Variants in ZG16B observed in about 807,000 individuals in gnomAD.
ZG16B encodes the protein zymogen granule protein 16B.
Under a neutral mutation model 7.0 loss-of-function variants are expected in ZG16B, and 8 were observed. The observed-to-expected ratio is 1.15, with a 90% CI of 0.68 to 2.08. ZG16B has a LOEUF of 2.08. Among genes scored for constraint, ZG16B ranks in the 30% most tolerant of loss-of-function variants. The probability of loss-of-function intolerance (pLI) is 0.00; values close to 1 mark genes in which losing one functional copy is unlikely to be tolerated. For missense variants in ZG16B, 232 were observed against 211.0 expected (o/e 1.10, Z -0.62); for synonymous variants, 92 against 86.1 (o/e 1.07, Z -0.38).
rs781318261 is a variant in ZG16B at position 2,830,826 on chromosome 16, G to A, written c.155+30G>A. On this transcript the variant is annotated intron_variant, in intron 3 of 3. Transcript: ENST00000382280. ...GTAGGGCTATGGTCATGGGCCCAGC[G>A]CCATGTCCCCTCCCATCCCACAGTT... 35 of 1,606,636 alleles carry A rather than the reference G, an allele frequency of 2.2e-5. 1 individual carries two copies. The East Asian group carries it at 3.6e-4, about 16-fold the overall frequency.
At chr16:2,831,000 G>A (rs535674980) in intron 3 of ZG16B, 1 of 556,880 alleles carries the variant, frequency 1.8e-6, no homozygotes, top group Admixed American at 3.1e-5. Context: ...TTCAACCCAA[G>A]CTCAACTCAA....
At chr16:2,830,887 C>A in intron 3 of ZG16B, 91 bp downstream of exon 3, 2 of 1,302,474 alleles carry the variant, frequency 1.5e-6, no homozygotes, top group Non-Finnish European at 2.2e-6. Flanking sequence ...CACCCGTGGC[C>A]ACTTTTGCCA....
Position 2,830,537 on chromosome 16 carries a change from A to G in ZG16B, c.52+44A>G, listed in dbSNP as rs768722923. ...CCCTCAATCTCCCCTGCCTCCCTCC[A>G]GGAGAGCCAGGGACTCACCCGGCCC... On this transcript the variant is annotated intron_variant, in intron 2 of 3. Transcript: ENST00000382280. The G allele has an allele frequency of 4.4e-6, 7 of 1,588,090 alleles. No homozygotes were observed. The South Asian group carries it at 5.7e-5, about 13-fold the overall frequency.
rs764823987 is a variant in ZG16B at position 2,831,759 on chromosome 16, C to T, written c.156-37C>T. 3.8e-6 allele frequency: 6 copies of T among 1,584,092 alleles called. No homozygotes were observed. The South Asian group carries it at 7.0e-5, about 18-fold the overall frequency. On this transcript the variant is annotated intron_variant, in intron 3 of 3. Coordinates refer to ENST00000382280, the MANE Select transcript of ZG16B (RefSeq NM_145252.3). Reference sequence around the variant, plus strand: ...AGGACCCGGGATGTGCTGGGCCATCCCAGATCTGGACGTCCAAAGCTTTGC... The same window carrying T: ...AGGACCCGGGATGTGCTGGGCCATCTCAGATCTGGACGTCCAAAGCTTTGC...
intron 3 of ZG16B, 131 bp from the exon 4 acceptor site, chr16:2,831,665 C>T: frequency 7.4e-7 from 1 of 1,353,480 alleles, no homozygotes; most frequent in Non-Finnish European, 1.0e-6. Flanking sequence ...ACCAGTGAGT[C>T]TGTGTCAGGG....
chr16:2,830,924 C>T (rs1384169070), intron 3 of ZG16B, 128 bp downstream of exon 3: 9 of 891,964 alleles, frequency 1.0e-5, no homozygotes, highest in South Asian at 1.5e-5. Flanking sequence ...GTCGATGCTT[C>T]CTGGCTCCCG....
chr16:2,831,644 C>T lies in ZG16B; in HGVS notation c.156-152C>T, dbSNP rs184936280. The stretch of plus-strand genomic sequence containing the variant: ...TCACAGGGCCCAAAAGTGGTAGAAT[C>T]AGGGTTGGTGACCAGTGAGTCTGTG... On this transcript the variant is annotated intron_variant, in intron 3 of 3. Transcript: ENST00000382280. 28 of 1,173,964 alleles carry T rather than the reference C, an allele frequency of 2.4e-5. No individual in the cohort carries two copies. The African/African-American group carries it at 4.2e-4, about 17-fold the overall frequency. 72.7% of individuals were successfully genotyped at this position (1,173,964 alleles called of 1,614,324 possible).
chr16:2,831,728 G>A, intron 3 of ZG16B, 68 bp from the exon 4 acceptor site: 1 of 1,543,736 alleles, frequency 6.5e-7, no homozygotes, highest in Non-Finnish European at 8.7e-7. Context: ...GAGGATGGGG[G>A]CGCTGAGGAC....
Position 2,830,417 on chromosome 16 carries a change from C to G in ZG16B, c.-25C>G, listed in dbSNP as rs1567280406. 1 of 1,603,808 alleles carries G rather than the reference C, an allele frequency of 6.2e-7. No homozygotes were observed. The highest frequency in any genetic ancestry group is 1.1e-5 in the South Asian group (1 of 89,642). On this transcript the variant is annotated splice_region_variant and 5_prime_UTR_variant, in exon 2 of 4. Transcript: ENST00000382280. ...GGAGGCCTCTCTTCTTCCCACAGAG[C>G]CCTGGGATGCACCGGCCAGAGGCCA... is the stretch of plus-strand genomic sequence containing the variant.
chr16:2,830,730 C>T lies in ZG16B; in HGVS notation c.89C>T (p.Thr30Ile). 4 of 1,614,230 alleles carry T rather than the reference C, an allele frequency of 2.5e-6. No individual in the cohort carries two copies. The South Asian group carries it at 3.3e-5, about 13-fold the overall frequency. The change falls in exon 3 of 4, where the codon ACC (threonine) becomes ATC (isoleucine). Residue 30 changes from threonine (T) to isoleucine (I), a missense_variant. Thr to Ile is a moderately conservative substitution (Grantham distance 89). Coordinates refer to ENST00000382280, the MANE Select transcript of ZG16B (RefSeq NM_145252.3). ...CCTGGAGGAGGCAAGTATTTCAGCA[C>T]CACTGAAGACTACGACCATGAAATC... The part of the protein sequence containing the change: ...YGPGGGKYFS[T>I]TEDYDHEITG...
intron 2 of ZG16B, 63 bp downstream of exon 2, chr16:2,830,556 C>G: frequency 6.3e-7 from 1 of 1,582,654 alleles, no homozygotes; most frequent in Non-Finnish European, 8.6e-7. Flanking sequence ...AGGGACTCAC[C>G]CGGCCCTTGT....
intron 2 of ZG16B, 97 bp from the exon 3 acceptor site, chr16:2,830,597 T>C: frequency 6.3e-7 from 1 of 1,585,824 alleles, no homozygotes. Flanking sequence ...AGAACCATCC[T>C]GTCTGCCTGG....
At chr16:2,831,427 G>A (rs778578635) in intron 3 of ZG16B, among the ~76,000 whole-genome samples, 2 of 152,156 alleles carry the variant, frequency 1.3e-5, no homozygotes, top group Non-Finnish European at 2.9e-5. Context: ...ACTAAGGCTC[G>A]GGAGGTCCAG....
intron 2 of ZG16B, 88 bp from the exon 3 acceptor site, chr16:2,830,606 G>C: frequency 1.3e-6 from 2 of 1,590,184 alleles, no homozygotes; most frequent in African/African-American, 2.7e-5. Context: ...CTGTCTGCCT[G>C]GAGGGGTGGG....
chr16:2,830,667 T>C, intron 2 of ZG16B, 27 bp from the exon 3 acceptor site: 1 of 1,613,804 alleles, frequency 6.2e-7, no homozygotes, highest in Non-Finnish European at 8.5e-7. Context: ...GGGGATTTTC[T>C]TCCCTTTGGG....
At chr16:2,830,376 C>G (rs2069245212) in intron 1 of ZG16B, 39 bp from the exon 2 acceptor site, 13 of 1,607,268 alleles carry the variant, frequency 8.1e-6, no homozygotes, top group South Asian at 1.1e-5. Flanking sequence ...TCACACTGGC[C>G]CTTGCTTTGG....
At position 2,830,419 on chromosome 16, in the gene ZG16B, C is replaced by T; in HGVS notation, c.-23C>T. 6.2e-7 allele frequency: 1 copy of T among 1,604,002 alleles called. No individual in the cohort carries two copies. Among genetic ancestry groups the T allele is most frequent in the Non-Finnish European group, 8.5e-7 (1 of 1,175,866 alleles). On this transcript the variant is annotated 5_prime_UTR_variant, in exon 2 of 4. Transcript: ENST00000382280. ...AGGCCTCTCTTCTTCCCACAGAGCC[C>T]TGGGATGCACCGGCCAGAGGCCATG...
chr16:2,831,891 C>T lies in ZG16B; in HGVS notation c.251C>T (p.Thr84Ile), dbSNP rs374921441. ...ACCCTGCAGCCAGGCGAATACATCA[C>T]AAAAGTCTTTGTCGCCTTCCAAGCT... ...EVTLQPGEYI[T>I]KVFVAFQAFL... The change falls in exon 4 of 4, where the codon ACA becomes ATA. Residue 84 changes from threonine (T) to isoleucine (I), a missense_variant. Coordinates refer to ENST00000382280, the MANE Select transcript of ZG16B (RefSeq NM_145252.3). 1.4e-5 allele frequency: 22 copies of T among 1,614,022 alleles called. No homozygotes were observed. The African/African-American group carries it at 1.6e-4, about 12-fold the overall frequency.
At chr16:2,831,645 A>T in intron 3 of ZG16B, 151 bp from the exon 4 acceptor site, 1 of 1,174,298 alleles carries the variant, frequency 8.5e-7, no homozygotes, top group Non-Finnish European at 1.2e-6. Flanking sequence ...TGGTAGAATC[A>T]GGGTTGGTGA....
Sources: gnomAD v4.1 joint callset for allele counts (sites outside exome capture counted in the v4.1 genomes callset) on GRCh38, gnomAD v4.1.1 for gene constraint, MANE v1.5 for transcripts, NCBI Gene and HGNC (gene_info 2026-07-23, HGNC 2026-07-21) for gene names.